The following KATNBL1 variants were observed in gnomAD, a reference collection of about 807,000 sequenced individuals.
KATNBL1 encodes the protein KATNB1-like protein 1.
A neutral mutation model predicts 44.7 loss-of-function variants in KATNBL1; 28 were observed. The ratio of observed to expected loss-of-function variants is 0.63; its 90% CI spans 0.46 to 0.86. The LOEUF is 0.86. Ranked by LOEUF, KATNBL1 falls within the 40% of genes least tolerant of loss-of-function variation. The pLI is 0.00. For synonymous variants in KATNBL1, 78 were observed against 114.9 expected (o/e 0.68, Z 2.06); for missense variants, 272 against 350.7 (o/e 0.78, Z 1.79).
rs189864715 is a variant in KATNBL1 at position 34,169,580 on chromosome 15, C to A, written c.-14-5890G>T. Among the ~76,000 whole-genome samples, 450 of 152,318 alleles carry A rather than the reference C, an allele frequency of 3.0e-3. 2 individuals carry two copies. The highest frequency in any genetic ancestry group is 0.01 in the Middle Eastern group (3 of 294). Reference sequence around the variant, plus strand: ...TAGAAAAAGAGGGAATCCTCCCTAACTCATTTTATGAGGCCAGCATCATCC... The same window carrying A: ...TAGAAAAAGAGGGAATCCTCCCTAAATCATTTTATGAGGCCAGCATCATCC... On this transcript the variant is annotated intron_variant, in intron 1 of 9. Coordinates refer to ENST00000256544, the MANE Select transcript of KATNBL1 (RefSeq NM_024713.3).
chr15:34,175,246 A>AT (rs1238397044), intron 1 of KATNBL1, among the ~76,000 whole-genome samples: 10 of 151,722 alleles, frequency 6.6e-5, no homozygotes, highest in Admixed American at 6.6e-4. Flanking sequence ...TGGATCTTTT[A>AT]TTTTTTCAGA....
chr15:34,173,007 C>A (rs1889218382), intron 1 of KATNBL1, among the ~76,000 whole-genome samples: 1 of 150,862 alleles, frequency 6.6e-6, no homozygotes, highest in Non-Finnish European at 1.5e-5. Flanking sequence ...ACAAAAAACC[C>A]AACAAAAATA....
chr15:34,192,240 T>C (rs1323079787), intron 1 of KATNBL1, among the ~76,000 whole-genome samples: 1 of 151,748 alleles, frequency 6.6e-6, no homozygotes, highest in Non-Finnish European at 1.5e-5. Flanking sequence ...CTGTCTCTAC[T>C]AAAAGTACAA....
intron 1 of KATNBL1, among the ~76,000 whole-genome samples, chr15:34,189,359 T>C (rs1889811120): frequency 6.6e-6 from 1 of 152,176 alleles, no homozygotes; most frequent in South Asian, 2.1e-4. Context: ...TATGTAAGTA[T>C]AATCCAAAGA....
chr15:34,175,113 AACACACACACACACACACAC>A (rs71119940), intron 1 of KATNBL1, among the ~76,000 whole-genome samples: 51 of 143,770 alleles, frequency 3.5e-4, no homozygotes, highest in Admixed American at 1.2e-3. Context: ...TAAAATAAGC[AACACACACACACACACACAC>A]ACACACACAC....
chr15:34,149,790 T>C (rs1888413976), intron 4 of KATNBL1, among the ~76,000 whole-genome samples: 1 of 152,178 alleles, frequency 6.6e-6, no homozygotes, highest in Non-Finnish European at 1.5e-5. Context: ...TCCCAGCTAC[T>C]TGGGAACCTG....
chr15:34,142,985 C>A, intron 9 of KATNBL1: 2 of 988,604 alleles, frequency 2.0e-6, no homozygotes, highest in South Asian at 1.4e-5. Flanking sequence ...ACTGGGATTA[C>A]AGGCATGAGC....
chr15:34,146,977 C>T, intron 7 of KATNBL1, 127 bp from the exon 8 acceptor site: 1 of 670,198 alleles, frequency 1.5e-6, no homozygotes, highest in Non-Finnish European at 2.6e-6. Flanking sequence ...AAATTGTTAC[C>T]TTCATGATCT....
intron 1 of KATNBL1, among the ~76,000 whole-genome samples, chr15:34,165,195 G>A (rs1567524109): frequency 6.6e-6 from 1 of 152,174 alleles, no homozygotes; most frequent in Non-Finnish European, 1.5e-5. Flanking sequence ...AAGCAACACG[G>A]TTTGTTTGGC....
chr15:34,141,730 GGTTTTA>G lies in KATNBL1; in HGVS notation c.*603_*608del, dbSNP rs1409754403. ...ATTTTATCATGCCAGAAGCATGGTTGGTTTTAGTTTTTTAAAACAGATATTGGTATC... is the reference window on the plus strand; with the variant it reads ...ATTTTATCATGCCAGAAGCATGGTTGGTTTTTTAAAACAGATATTGGTATC... On this transcript the variant is annotated 3_prime_UTR_variant, in exon 10 of 10. Transcript: ENST00000256544. 2.6e-5 allele frequency: 4 copies of G among 152,456 alleles called. No individual in the cohort carries two copies. Among genetic ancestry groups the G allele is most frequent in the Non-Finnish European group, 4.4e-5 (3 of 67,988 alleles). The allele number at this position is 152,456 out of a possible 1,614,324, so 9.4% of individuals were successfully genotyped here.
chr15:34,186,770 C>T (rs1289979310), intron 1 of KATNBL1, among the ~76,000 whole-genome samples: 1 of 152,242 alleles, frequency 6.6e-6, no homozygotes, highest in Non-Finnish European at 1.5e-5. Context: ...AGGGTTGGGG[C>T]CAAGCCCCAG....
chr15:34,205,138 T>G (rs1048903852), intron 1 of KATNBL1, among the ~76,000 whole-genome samples: 1 of 151,948 alleles, frequency 6.6e-6, no homozygotes, highest in East Asian at 1.9e-4. Flanking sequence ...GGGCTACAGG[T>G]GTGCACCACC....
At chr15:34,189,467 T>C (rs1889813346) in intron 1 of KATNBL1, among the ~76,000 whole-genome samples, 1 of 152,156 alleles carries the variant, frequency 6.6e-6, no homozygotes, top group South Asian at 2.1e-4. Flanking sequence ...GAACCCAATA[T>C]CCAAAAAAGT....
intron 1 of KATNBL1, among the ~76,000 whole-genome samples, chr15:34,171,026 C>T (rs778777841): frequency 2.6e-5 from 4 of 152,176 alleles, no homozygotes; most frequent in Admixed American, 6.5e-5. Context: ...CAGACATCGG[C>T]AAGGACTTCA....
Position 34,181,737 on chromosome 15 carries a change from CATAT to C in KATNBL1, c.-14-18051_-14-18048del, listed in dbSNP as rs1238229435. ...GGACATATATATGTCCATATATACA[CATAT>C]ATATGTCCATATATATATCCATATA... is the stretch of plus-strand genomic sequence containing the variant. On this transcript the variant is annotated intron_variant, in intron 1 of 9. Coordinates refer to ENST00000256544, the MANE Select transcript of KATNBL1 (RefSeq NM_024713.3). 7.5e-4 allele frequency among the ~76,000 whole-genome samples: 84 copies of C among 111,780 alleles called. 7 individuals are homozygous for C. Among genetic ancestry groups the C allele is most frequent in the African/African-American group, 1.8e-3 (49 of 26,820 alleles). 73.3% of individuals were successfully genotyped at this position (111,780 alleles called of 152,430 possible).
At chr15:34,167,095 G>A (rs1889001367) in intron 1 of KATNBL1, among the ~76,000 whole-genome samples, 1 of 152,162 alleles carries the variant, frequency 6.6e-6, no homozygotes, top group Non-Finnish European at 1.5e-5. Context: ...TGGAGAATGA[G>A]TTTGACAGGT....
At chr15:34,201,090 CA>C (rs1466747015) in intron 1 of KATNBL1, among the ~76,000 whole-genome samples, 1 of 152,184 alleles carries the variant, frequency 6.6e-6, no homozygotes, top group Non-Finnish European at 1.5e-5. Flanking sequence ...GCTGGGATTA[CA>C]GGCTTGAGCC....
chr15:34,206,753 T>C (rs1393870821), intron 1 of KATNBL1, among the ~76,000 whole-genome samples: 2 of 150,820 alleles, frequency 1.3e-5, no homozygotes, highest in Admixed American at 6.6e-5. Flanking sequence ...ATCTTGCCAC[T>C]GTACTCCAGC....
chr15:34,195,690 C>CAAAAAAA (rs5811824), intron 1 of KATNBL1, among the ~76,000 whole-genome samples: 3 of 111,426 alleles, frequency 2.7e-5, no homozygotes, highest in African/African-American at 1.1e-4. Flanking sequence ...GACGCCATCT[C>CAAAAAAA]AAAAAAAAAA....
Sources: allele counts gnomAD v4.1 joint callset (sites outside exome capture counted in the v4.1 genomes callset), GRCh38; gene constraint gnomAD v4.1.1; transcripts MANE v1.5; gene names NCBI Gene and HGNC (gene_info 2026-07-23, HGNC 2026-07-21).